The following SLC12A8 variants were observed in gnomAD, a reference collection of about 807,000 sequenced individuals.
The protein encoded by SLC12A8 is cation-chloride cotransporter 9.
Under a neutral mutation model 75.6 loss-of-function variants are expected in SLC12A8, and 69 were observed. The observed-to-expected ratio is 0.91, with a 90% CI of 0.75 to 1.11. The LOEUF is 1.11. Ranked by LOEUF, SLC12A8 falls within the 50% of genes most tolerant of loss-of-function variation. The pLI is 0.00. For missense variants in SLC12A8, 877 were observed against 896.7 expected (o/e 0.98, Z 0.28); for synonymous variants, 365 against 372.8 (o/e 0.98, Z 0.24).
intron 10 of SLC12A8, among the ~76,000 whole-genome samples, chr3:125,101,813 C>T (rs951284280): frequency 6.6e-6 from 1 of 152,150 alleles, no homozygotes; most frequent in Admixed American, 6.5e-5. Flanking sequence ...AATAGTTTAA[C>T]TCTTTCTATT....
intron 13 of SLC12A8, among the ~76,000 whole-genome samples, chr3:125,086,555 C>T (rs781047510): frequency 6.6e-6 from 1 of 152,148 alleles, no homozygotes; most frequent in African/African-American, 2.4e-5. Flanking sequence ...ATAGTCTCAC[C>T]CACACACCAC....
chr3:125,189,085 T>A (rs1934857354), intron 3 of SLC12A8, among the ~76,000 whole-genome samples: 1 of 152,234 alleles, frequency 6.6e-6, no homozygotes, highest in Non-Finnish European at 1.5e-5. Context: ...GATTTTCAGA[T>A]GTGATTAATA....
Position 125,083,772 on chromosome 3 carries a change from G to T in SLC12A8, c.*118C>A. ...AATGTAGATTTCCATTGTCCAAAGT[G>T]ACAGCGGGAGGATGGGTCTTGAGTT... On this transcript the variant is annotated 3_prime_UTR_variant, in exon 14 of 14. Coordinates refer to ENST00000469902, the MANE Select transcript of SLC12A8 (RefSeq NM_024628.6). The T allele has an allele frequency of 1.2e-5, 11 of 912,244 alleles. No homozygotes were observed. Among genetic ancestry groups the T allele is most frequent in the African/African-American group, 1.7e-5 (1 of 58,842 alleles). The allele number at this position is 912,244 out of a possible 1,614,324, so 56.5% of individuals were successfully genotyped here.
chr3:125,156,627 G>C (rs1934057369), intron 5 of SLC12A8, among the ~76,000 whole-genome samples: 1 of 152,190 alleles, frequency 6.6e-6, no homozygotes, highest in Non-Finnish European at 1.5e-5. Context: ...GGCGGGAATG[G>C]AAACAATTAA....
Position 125,107,604 on chromosome 3 carries a change from A to G in SLC12A8, c.1582T>C (p.Trp528Arg). 6.2e-7 allele frequency: 1 copy of G among 1,614,152 alleles called. No individual in the cohort carries two copies. The highest frequency in any genetic ancestry group is 8.5e-7 in the Non-Finnish European group (1 of 1,180,010). Residue 528 changes from tryptophan (W) to arginine (R), a missense_variant, in exon 10 of 14, where the codon TGG becomes CGG. Coordinates refer to ENST00000469902, the MANE Select transcript of SLC12A8 (RefSeq NM_024628.6). ...TTCCAGCAGGACTCCTGCCCCTCCCAGGAGGCAGCGGGCAACCTGTCAGAG... is the reference window on the plus strand; with the variant it reads ...TTCCAGCAGGACTCCTGCCCCTCCCGGGAGGCAGCGGGCAACCTGTCAGAG... ...EISDRLPAAS[W>R]EGQESCWNKQ... is the part of the protein sequence containing the mutation.
chr3:125,186,419 A>G (rs1027824309), intron 4 of SLC12A8, among the ~76,000 whole-genome samples: 1 of 152,200 alleles, frequency 6.6e-6, no homozygotes, highest in Non-Finnish European at 1.5e-5. Flanking sequence ...CCTGCTGCCT[A>G]AAAATAAAAG....
intron 2 of SLC12A8, among the ~76,000 whole-genome samples, chr3:125,194,225 C>A (rs1463542133): frequency 2.0e-5 from 3 of 152,180 alleles, no homozygotes. Flanking sequence ...GGCGACTTGG[C>A]GCCTGGCCCA....
At chr3:125,103,706 C>A (rs933075058) in intron 10 of SLC12A8, among the ~76,000 whole-genome samples, 1 of 152,128 alleles carries the variant, frequency 6.6e-6, no homozygotes, top group African/African-American at 2.4e-5. Context: ...GATCACCACT[C>A]ACTGCAGCTT....
chr3:125,124,845 T>C (rs995958153), intron 6 of SLC12A8, among the ~76,000 whole-genome samples: 6 of 152,222 alleles, frequency 3.9e-5, no homozygotes, highest in Non-Finnish European at 8.8e-5. Flanking sequence ...TTGCATCCAG[T>C]GCAATTTTAA....
intron 2 of SLC12A8, among the ~76,000 whole-genome samples, chr3:125,193,937 T>C (rs1026094916): frequency 6.6e-6 from 1 of 152,208 alleles, no homozygotes; most frequent in Non-Finnish European, 1.5e-5. Context: ...TAGGACCTAG[T>C]GTCCCAGATT....
At chr3:125,197,077 C>T (rs958650278) in intron 2 of SLC12A8, among the ~76,000 whole-genome samples, 4 of 152,022 alleles carry the variant, frequency 2.6e-5, no homozygotes, top group African/African-American at 7.3e-5. Flanking sequence ...GGGCAGAGAA[C>T]GTACAAAATG....
intron 5 of SLC12A8, among the ~76,000 whole-genome samples, chr3:125,155,597 C>T (rs1350278694): frequency 1.7e-5 from 1 of 57,250 alleles, no homozygotes; most frequent in African/African-American, 4.5e-5. Context: ...CGGTGAAACC[C>T]TGTCTCTACT....
intron 5 of SLC12A8, among the ~76,000 whole-genome samples, chr3:125,142,224 A>C (rs1037883878): frequency 4.6e-4 from 70 of 152,152 alleles, no homozygotes; most frequent in African/African-American, 1.6e-3. Flanking sequence ...GCCACTTGTC[A>C]CCCACAAGAG....
intron 2 of SLC12A8, among the ~76,000 whole-genome samples, chr3:125,198,209 A>G (rs1327229793): frequency 2.0e-5 from 3 of 151,938 alleles, no homozygotes; most frequent in African/African-American, 7.3e-5. Flanking sequence ...AAAAACAAAA[A>G]TAAGAAAACC....
intron 10 of SLC12A8, among the ~76,000 whole-genome samples, chr3:125,094,208 T>C (rs1228425270): frequency 1.3e-5 from 2 of 152,206 alleles, no homozygotes; most frequent in East Asian, 3.8e-4. Context: ...CTGTTCCTCA[T>C]TCCAACCATT....
chr3:125,137,601 C>A (rs958495425), intron 5 of SLC12A8, among the ~76,000 whole-genome samples: 3 of 152,172 alleles, frequency 2.0e-5, no homozygotes, highest in Non-Finnish European at 2.9e-5. Flanking sequence ...GGCAGGCCCG[C>A]CTCGCAGGAC....
At chr3:125,097,011 TA>T (rs545442175) in intron 10 of SLC12A8, among the ~76,000 whole-genome samples, 1 of 152,218 alleles carries the variant, frequency 6.6e-6, no homozygotes, top group African/African-American at 2.4e-5. Context: ...CATAATTATT[TA>T]AAAAATTGTT....
chr3:125,120,331 C>T (rs576618982), intron 7 of SLC12A8, among the ~76,000 whole-genome samples: 14 of 151,538 alleles, frequency 9.2e-5, no homozygotes, highest in South Asian at 2.1e-4. Context: ...GGCGGGAGGC[C>T]GAGGAAAGGA....
intron 9 of SLC12A8, among the ~76,000 whole-genome samples, chr3:125,108,860 C>A (rs1038034600): frequency 5.3e-5 from 8 of 152,154 alleles, no homozygotes; most frequent in African/African-American, 1.9e-4. Context: ...GGAATTCTGA[C>A]ACTAATTCTG....
Sources: allele counts gnomAD v4.1 joint callset (sites outside exome capture counted in the v4.1 genomes callset), GRCh38; gene constraint gnomAD v4.1.1; transcripts MANE v1.5; gene names NCBI Gene and HGNC (gene_info 2026-07-23, HGNC 2026-07-21).